The following IQGAP2 variants were observed in gnomAD, a reference collection of about 807,000 sequenced individuals.
IQGAP2 encodes IQ motif containing GTPase activating protein 2.
A neutral mutation model predicts 201.3 loss-of-function variants in IQGAP2; 173 were observed. The observed-to-expected ratio is 0.86, with a 90% confidence interval of 0.76 to 0.98. The LOEUF is 0.98. Ranked by LOEUF, IQGAP2 falls within the 50% of genes least tolerant of loss-of-function variation. IQGAP2 has a pLI of 0.00. For synonymous variants in IQGAP2, 675 were observed against 673.9 expected (o/e 1.00, Z -0.03); for missense variants, 1,687 against 1,864.8 (o/e 0.90, Z 1.76).
intron 2 of IQGAP2, among the ~76,000 whole-genome samples, chr5:76,471,089 C>T (rs1312003303): frequency 2.0e-5 from 3 of 152,008 alleles, no homozygotes; most frequent in Non-Finnish European, 2.9e-5. Flanking sequence ...CAAAAATGTA[C>T]GATGGAGAAT....
intron 2 of IQGAP2, among the ~76,000 whole-genome samples, chr5:76,466,411 C>T (rs181956098): frequency 9.2e-5 from 14 of 152,188 alleles, no homozygotes; most frequent in African/African-American, 2.6e-4. Flanking sequence ...GAAAAAGAAA[C>T]GCAAAGTTGG....
intron 2 of IQGAP2, 28 bp downstream of exon 2, chr5:76,461,697 C>A: frequency 6.7e-7 from 1 of 1,491,916 alleles, no homozygotes; most frequent in Non-Finnish European, 9.4e-7. Context: ...TCTATTTGTG[C>A]ACCATCTCTT....
At chr5:76,671,697 A>T in intron 23 of IQGAP2, 62 bp from the exon 24 acceptor site, 1 of 1,261,540 alleles carries the variant, frequency 7.9e-7, no homozygotes, top group Non-Finnish European at 1.1e-6. Context: ...GGGAAAAAAA[A>T]AAAAAAAAAA....
At chr5:76,468,723 A>G (rs1754931207) in intron 2 of IQGAP2, among the ~76,000 whole-genome samples, 1 of 152,168 alleles carries the variant, frequency 6.6e-6, no homozygotes, top group Admixed American at 6.5e-5. Flanking sequence ...TTAGTTTTAC[A>G]TTGTGCCGCA....
chr5:76,489,376 T>A (rs1017180498), intron 2 of IQGAP2, among the ~76,000 whole-genome samples: 9 of 152,204 alleles, frequency 5.9e-5, no homozygotes, highest in African/African-American at 1.9e-4. Context: ...TAGGAAAATA[T>A]CTTTTTCCAG....
intron 2 of IQGAP2, among the ~76,000 whole-genome samples, chr5:76,511,478 G>T (rs1195030543): frequency 6.6e-6 from 1 of 152,148 alleles, no homozygotes; most frequent in Non-Finnish European, 1.5e-5. Flanking sequence ...TCACTTAGGT[G>T]CCCTTGGCCT....
At chr5:76,679,571 A>T (rs1048126540) in intron 28 of IQGAP2, among the ~76,000 whole-genome samples, 2 of 152,324 alleles carry the variant, frequency 1.3e-5, no homozygotes, top group Non-Finnish European at 2.9e-5. Flanking sequence ...GCTCTTTAAG[A>T]AGACATTATC....
chr5:76,558,635 T>C (rs1449579830), intron 2 of IQGAP2, among the ~76,000 whole-genome samples: 1 of 152,262 alleles, frequency 6.6e-6, no homozygotes, highest in African/African-American at 2.4e-5. Flanking sequence ...ATGCATGATA[T>C]GTGAAAAGGA....
At chr5:76,438,823 T>G (rs949446870) in intron 1 of IQGAP2, among the ~76,000 whole-genome samples, 2 of 152,236 alleles carry the variant, frequency 1.3e-5, no homozygotes, top group African/African-American at 4.8e-5. Flanking sequence ...TTATCAATTT[T>G]GCTTATCTTT....
intron 5 of IQGAP2, among the ~76,000 whole-genome samples, chr5:76,576,545 C>T (rs1745486987): frequency 6.6e-6 from 1 of 152,186 alleles, no homozygotes; most frequent in African/African-American, 2.4e-5. Context: ...GAACATCTGC[C>T]TTGTGTTTTC....
intron 11 of IQGAP2, among the ~76,000 whole-genome samples, chr5:76,604,152 C>T (rs1351555442): frequency 2.0e-5 from 3 of 151,946 alleles, no homozygotes; most frequent in African/African-American, 7.3e-5. Context: ...TGACATGCCT[C>T]GGTGTATGTT....
chr5:76,526,241 CTT>C (rs1758967231), intron 2 of IQGAP2, among the ~76,000 whole-genome samples: 1 of 152,202 alleles, frequency 6.6e-6, no homozygotes, highest in Non-Finnish European at 1.5e-5. Context: ...TAGCCTCACT[CTT>C]TGTGTACAAA....
chr5:76,518,709 A>T (rs1364136896), intron 2 of IQGAP2, among the ~76,000 whole-genome samples: 1 of 152,202 alleles, frequency 6.6e-6, no homozygotes, highest in Non-Finnish European at 1.5e-5. Flanking sequence ...GCTATTTACC[A>T]AACACTATTG....
intron 8 of IQGAP2, among the ~76,000 whole-genome samples, chr5:76,591,928 CTCTTTT>C (rs1228558937): frequency 1.3e-5 from 2 of 152,168 alleles, no homozygotes; most frequent in Non-Finnish European, 1.5e-5. Context: ...TGTCTCAGAA[CTCTTTT>C]TATGCCCCCT....
intron 17 of IQGAP2, among the ~76,000 whole-genome samples, chr5:76,645,852 G>A (rs570039073): frequency 4.6e-5 from 7 of 150,590 alleles, no homozygotes; most frequent in South Asian, 2.1e-4. Context: ...CAGAATGGAC[G>A]AATGGGGTAA....
chr5:76,449,779 A>G (rs928942120), intron 1 of IQGAP2, among the ~76,000 whole-genome samples: 3 of 152,170 alleles, frequency 2.0e-5, no homozygotes, highest in African/African-American at 7.2e-5. Context: ...ATACACAGAG[A>G]AGATTTGGCT....
chr5:76,645,359 T>C (rs1003482093), intron 17 of IQGAP2, among the ~76,000 whole-genome samples: 5 of 152,260 alleles, frequency 3.3e-5, no homozygotes, highest in East Asian at 1.9e-4. Context: ...TTTGGGTACA[T>C]ACCCAGTAAT....
chr5:76,638,330 G>C (rs1171051334), intron 16 of IQGAP2, among the ~76,000 whole-genome samples: 4 of 152,118 alleles, frequency 2.6e-5, no homozygotes, highest in Admixed American at 2.6e-4. Context: ...AGTGAGCCAA[G>C]ATCGCACCAT....
At chr5:76,654,149 A>G in intron 18 of IQGAP2, 51 bp from the exon 19 acceptor site, 1 of 1,280,020 alleles carries the variant, frequency 7.8e-7, no homozygotes, top group South Asian at 1.3e-5. Context: ...GATTACTTTG[A>G]CTTTTCTCTT....
Sources: allele counts gnomAD v4.1 joint callset (sites outside exome capture counted in the v4.1 genomes callset), GRCh38; gene constraint gnomAD v4.1.1; transcripts MANE v1.5; gene names NCBI Gene and HGNC (gene_info 2026-07-23, HGNC 2026-07-21).